Variants in SMARCA4 observed in about 807,000 individuals in gnomAD.
The protein encoded by SMARCA4 is SWI/SNF-related matrix-associated actin-dependent regulator of chromatin subfamily A member 4.
In SMARCA4, 31 loss-of-function variants were observed where a neutral mutation model predicts 193.9. That is an observed-to-expected ratio of 0.16 (90% CI 0.12 to 0.22). The LOEUF (loss-of-function observed/expected upper bound fraction) is 0.22, where lower values mean the gene tolerates loss of function less well. Among genes scored for constraint, SMARCA4 ranks in the 10% least tolerant of loss-of-function variants. The pLI is 1.00. For synonymous variants in SMARCA4, 942 were observed against 933.1 expected (o/e 1.01, Z -0.17); for missense variants, 1,148 against 2,296.0 (o/e 0.50, Z 10.22).
At chr19:10,995,402 T>G (rs1484877449) in intron 9 of SMARCA4, 1 of 464,696 alleles carries the variant, frequency 2.2e-6, no homozygotes, top group Non-Finnish European at 4.3e-6. Context: ...TGCTGCTCTG[T>G]GTACGGGGAC....
chr19:10,964,006 T>C (rs1196481383), intron 1 of SMARCA4, among the ~76,000 whole-genome samples: 2 of 152,148 alleles, frequency 1.3e-5, no homozygotes, highest in African/African-American at 4.8e-5. Context: ...CCACCTAAAA[T>C]CATTTTGTGT....
chr19:11,033,755 A>G lies in SMARCA4; in HGVS notation c.3775-12A>G, dbSNP rs770956288. 1.3e-6 allele frequency: 1 copy of G among 779,830 alleles called. No homozygotes were observed. Among genetic ancestry groups the G allele is most frequent in the East Asian group, 2.4e-5 (1 of 41,228 alleles). 48.3% of individuals were successfully genotyped at this position (779,830 alleles called of 1,614,324 possible). A position where few individuals can be genotyped will look rare whatever the true frequency, so the allele number is the denominator to read the frequency against. Reference sequence around the variant, plus strand: ...ACAGCCCTGGAGACTGAAGTCCTCTATTTATCCACAGAGCAGACACTGCAG... The same window carrying G: ...ACAGCCCTGGAGACTGAAGTCCTCTGTTTATCCACAGAGCAGACACTGCAG... On this transcript the variant is annotated splice_polypyrimidine_tract_variant and intron_variant, in intron 26 of 34. Transcript: ENST00000344626. The surrounding 1 kb of genome is among the most constrained non-coding windows in gnomAD (Gnocchi z 9.8).
chr19:11,060,304 CT>C (rs1334719165), intron 34 of SMARCA4, 117 bp downstream of exon 34: 34 of 1,324,126 alleles, frequency 2.6e-5, no homozygotes, highest in Non-Finnish European at 3.4e-5. Context: ...GGTGGGAAAG[CT>C]GAGGCTTGAC....
chr19:11,055,135 C>T (rs1488160956), intron 30 of SMARCA4, among the ~76,000 whole-genome samples: 3 of 152,114 alleles, frequency 2.0e-5, no homozygotes, highest in Non-Finnish European at 4.4e-5. Context: ...TCATCCAGAA[C>T]GTAATTCTCC....
intron 15 of SMARCA4, 178 bp from the exon 16 acceptor site, chr19:11,012,771 G>A: frequency 1.5e-6 from 1 of 679,514 alleles, no homozygotes; most frequent in South Asian, 1.6e-5. Context: ...TAAGGATGAG[G>A]CTAAGCGATA....
At position 10,989,705 on chromosome 19, in the gene SMARCA4, C is replaced by CCT. The variant is rs1555756604; in HGVS notation, c.1245+262_1245+263insCT. Reference sequence around the variant, plus strand: ...GGCTTCTTTCTTCCTTTCCCTTTCCCTTTTTTTTTTTTTTTGGAAACAGTC... The same window carrying CCT: ...GGCTTCTTTCTTCCTTTCCCTTTCCCCTTTTTTTTTTTTTTTTGGAAACAGTC... On this transcript the variant is annotated intron_variant, in intron 7 of 34. Transcript: ENST00000344626. Among the ~76,000 whole-genome samples, 42 of 142,186 alleles carry CCT rather than the reference C, an allele frequency of 3.0e-4. 1 individual carries two copies. The Middle Eastern group carries it at 0.015, about 49-fold the overall frequency. The allele number at this position is 142,186 out of a possible 152,430, so 93.3% of individuals were successfully genotyped here.
chr19:11,031,100 C>G lies in SMARCA4; in HGVS notation c.3546+207C>G. ...GTTTCCCAAAATACAAACAGCCTTT[C>G]CCTCTGATTGGGAAAGCAGTGTATA... On this transcript the variant is annotated intron_variant, in intron 25 of 34. Transcript: ENST00000344626. The surrounding 1 kb of genome is among the most constrained non-coding windows in gnomAD (Gnocchi z 4.3). The G allele has an allele frequency of 1.1e-5, 7 of 617,976 alleles. No individual in the cohort carries two copies. The Admixed American group carries it at 1.8e-4, about 16-fold the overall frequency. 38.3% of individuals were successfully genotyped at this position (617,976 alleles called of 1,614,324 possible).
At chr19:11,026,470 G>T in intron 23 of SMARCA4, 124 bp downstream of exon 23, 2 of 667,174 alleles carry the variant, frequency 3.0e-6, no homozygotes, top group Middle Eastern at 2.5e-4. Context: ...AGAAAATACA[G>T]AAGAATCCAA....
rs112876113 is a variant in SMARCA4, at chr19:11,019,759, C to T, written c.2616+58C>T. On this transcript the variant is annotated intron_variant, in intron 18 of 34. Transcript: ENST00000344626. This position sits in a 1 kb window ranked among gnomAD's most constrained non-coding sequence, Gnocchi z 6.1. ...GGGCCGAGTGCTCACACGTGGGTCA[C>T]GCTGCCCGTCTCCTCCAAAGCCCCT... 1.6e-3 allele frequency: 1,873 copies of T among 1,166,374 alleles called. 18 individuals are homozygous for T. In the African/African-American group the frequency reaches 0.025, roughly 15 times the overall value. The allele number at this position is 1,166,374 out of a possible 1,614,324, so 72.3% of individuals were successfully genotyped here.
At chr19:11,051,656 A>G (rs1056935826) in intron 30 of SMARCA4, among the ~76,000 whole-genome samples, 1 of 151,808 alleles carries the variant, frequency 6.6e-6, no homozygotes, top group East Asian at 1.9e-4. Context: ...ACGCCCAGCT[A>G]ATTTTTGTAT....
chr19:11,017,200 C>G (rs1311047575), intron 16 of SMARCA4, among the ~76,000 whole-genome samples: 5 of 152,208 alleles, frequency 3.3e-5, no homozygotes, highest in Non-Finnish European at 7.3e-5. Flanking sequence ...GTGTGTGCGC[C>G]CATTCTCAGC....
intron 1 of SMARCA4, among the ~76,000 whole-genome samples, chr19:10,963,037 T>C (rs1001944587): frequency 6.6e-6 from 1 of 152,038 alleles, no homozygotes; most frequent in African/African-American, 2.4e-5. Flanking sequence ...GTGGATTGAA[T>C]GAGGGGGTCC....
chr19:11,049,103 G>A (rs2076111705), intron 30 of SMARCA4, among the ~76,000 whole-genome samples: 1 of 152,168 alleles, frequency 6.6e-6, no homozygotes, highest in Non-Finnish European at 1.5e-5. Context: ...AGTGGGAAGG[G>A]CCACGTAAGC....
intron 1 of SMARCA4, among the ~76,000 whole-genome samples, chr19:10,970,250 T>C (rs1365961665): frequency 6.6e-6 from 1 of 152,166 alleles, no homozygotes; most frequent in Non-Finnish European, 1.5e-5. Context: ...GTATCCGTTA[T>C]AATAAACCAT....
In SMARCA4 at chr19:11,041,212, C is replaced by T. The variant is rs1428052253; in HGVS notation, c.4171-95C>T. The T allele has an allele frequency of 5.8e-6, 8 of 1,385,918 alleles. No homozygotes were observed. Among genetic ancestry groups the T allele is most frequent in the African/African-American group, 1.4e-5 (1 of 69,864 alleles). The allele number at this position is 1,385,918 out of a possible 1,614,324, so 85.9% of individuals were successfully genotyped here. A position where few individuals can be genotyped will look rare whatever the true frequency, so the allele number is the denominator to read the frequency against. Reference sequence around the variant, plus strand: ...AGGGAGAGCGGGTGCGGGGGCCCTCCTCCGTGTCCCAGCCCGGCCCCTGGG... The same window carrying T: ...AGGGAGAGCGGGTGCGGGGGCCCTCTTCCGTGTCCCAGCCCGGCCCCTGGG... On this transcript the variant is annotated intron_variant, in intron 29 of 34. Coordinates refer to ENST00000344626, the MANE Select transcript of SMARCA4 (RefSeq NM_003072.5). The surrounding 1 kb of genome is among the most constrained non-coding windows in gnomAD (Gnocchi z 5.6).
At chr19:11,004,451 A>G (rs1294545027) in intron 13 of SMARCA4, among the ~76,000 whole-genome samples, 1 of 152,146 alleles carries the variant, frequency 6.6e-6, no homozygotes, top group Admixed American at 6.5e-5. Context: ...GGGTTCCACC[A>G]TGTTGGCCAG....
At position 11,031,235 on chromosome 19, in the gene SMARCA4, C is replaced by T; in HGVS notation, c.3546+342C>T. ...ACTGTGGGGCGGCCCCTGCAGTGTG[C>T]CCTGTGAGCACACACACTGGCGCTT... On this transcript the variant is annotated intron_variant, in intron 25 of 34. Transcript: ENST00000344626. This position sits in a 1 kb window ranked among gnomAD's most constrained non-coding sequence, Gnocchi z 4.3. 1 of 374,762 alleles carries T rather than the reference C, an allele frequency of 2.7e-6. No homozygotes were observed. The highest frequency in any genetic ancestry group is 5.1e-6 in the Non-Finnish European group (1 of 194,508). The allele number at this position is 374,762 out of a possible 1,614,324, so 23.2% of individuals were successfully genotyped here.
Position 10,984,369 on chromosome 19 carries a change from A to G in SMARCA4, c.218A>G (p.His73Arg), listed in dbSNP as rs748147246. 1.3e-5 allele frequency: 21 copies of G among 1,583,962 alleles called. No homozygotes were observed. Among genetic ancestry groups the G allele is most frequent in the Non-Finnish European group, 1.8e-5 (21 of 1,165,020 alleles). ...GYPQDNMHQM[H>R]KPMESMHEKG... ...CCTCAGGACAACATGCACCAGATGC[A>G]CAAGGTAGGGATCCCTGTGCCCGCC... The change falls in exon 2 of 35, where the codon CAC (histidine) becomes CGC (arginine). Residue 73 changes from histidine to arginine, a missense_variant. Coordinates refer to ENST00000344626, the MANE Select transcript of SMARCA4 (RefSeq NM_003072.5). The surrounding 1 kb of genome is among the most constrained non-coding windows in gnomAD (Gnocchi z 4.3).
intron 7 of SMARCA4, 133 bp from the exon 8 acceptor site, chr19:10,991,017 C>T (rs916332718): frequency 3.5e-6 from 5 of 1,447,288 alleles, no homozygotes; most frequent in Non-Finnish European, 4.7e-6. Context: ...GTCCCCTGCA[C>T]ACACGGACTG....
Sources: allele counts gnomAD v4.1 joint callset (sites outside exome capture counted in the v4.1 genomes callset), GRCh38; gene constraint gnomAD v4.1.1; non-coding constraint Gnocchi (gnomAD v3.1); transcripts MANE v1.5; gene names NCBI Gene and HGNC (gene_info 2026-07-23, HGNC 2026-07-21).